ERBB4: variants seen among roughly 807,000 people sequenced by gnomAD.
The protein encoded by ERBB4 is receptor tyrosine-protein kinase erbB-4.
A neutral mutation model predicts 158.0 loss-of-function variants in ERBB4; 42 were observed. The observed-to-expected ratio is 0.27, with a 90% CI of 0.21 to 0.34. ERBB4 has a LOEUF of 0.34. ERBB4 is among the 10% of genes least tolerant of loss of function. The probability of loss-of-function intolerance (pLI) is 1.00; values close to 1 mark genes in which losing one functional copy is unlikely to be tolerated. For synonymous variants in ERBB4, 583 were observed against 558.7 expected (o/e 1.04, Z -0.61); for missense variants, 1,333 against 1,624.1 (o/e 0.82, Z 3.08).
intron 2 of ERBB4, among the ~76,000 whole-genome samples, chr2:212,109,588 AT>A (rs1419960135): frequency 6.6e-6 from 1 of 152,190 alleles, no homozygotes; most frequent in Non-Finnish European, 1.5e-5. Context: ...CAAGGTCTTT[AT>A]CTGAACATCA....
At chr2:212,110,105 G>C (rs1029915596) in intron 2 of ERBB4, among the ~76,000 whole-genome samples, 3 of 152,082 alleles carry the variant, frequency 2.0e-5, no homozygotes, top group Non-Finnish European at 4.4e-5. Flanking sequence ...AAGACCAATT[G>C]TGCATAAATG....
At chr2:212,033,007 T>G (rs1291229284) in intron 2 of ERBB4, among the ~76,000 whole-genome samples, 1 of 151,886 alleles carries the variant, frequency 6.6e-6, no homozygotes, top group East Asian at 1.9e-4. Flanking sequence ...CACTTCTATG[T>G]GAGAGTTGAT....
At chr2:211,671,327 T>G (rs1322211988) in intron 14 of ERBB4, among the ~76,000 whole-genome samples, 1 of 152,138 alleles carries the variant, frequency 6.6e-6, no homozygotes, top group East Asian at 1.9e-4. Flanking sequence ...TCATGAAGCC[T>G]GGCACAAACT....
chr2:212,103,892 T>C (rs1182322735), intron 2 of ERBB4, among the ~76,000 whole-genome samples: 2 of 152,098 alleles, frequency 1.3e-5, no homozygotes, highest in African/African-American at 2.4e-5. Flanking sequence ...TGAAAGAGAA[T>C]AGTACTTAAA....
intron 5 of ERBB4, among the ~76,000 whole-genome samples, chr2:211,727,152 A>G (rs2074294316): frequency 6.6e-6 from 1 of 152,126 alleles, no homozygotes; most frequent in South Asian, 2.1e-4. Flanking sequence ...CTCAAATCCA[A>G]AATATATCCA....
intron 2 of ERBB4, among the ~76,000 whole-genome samples, chr2:212,041,661 T>C (rs1256683599): frequency 1.3e-5 from 2 of 149,692 alleles, no homozygotes; most frequent in Admixed American, 6.7e-5. Context: ...GACTAAAAAA[T>C]AGTAAATTAT....
At chr2:211,472,532 A>T (rs2064852824) in intron 20 of ERBB4, among the ~76,000 whole-genome samples, 1 of 151,680 alleles carries the variant, frequency 6.6e-6, no homozygotes, top group African/African-American at 2.4e-5. Flanking sequence ...CTCCTTCAGA[A>T]AAAAAAACAA....
At chr2:212,516,127 G>GAC (rs1193821126) in intron 1 of ERBB4, among the ~76,000 whole-genome samples, 2 of 151,630 alleles carry the variant, frequency 1.3e-5, no homozygotes, top group Admixed American at 1.3e-4. Context: ...TAGTACTATA[G>GAC]ACACACACAC....
intron 2 of ERBB4, among the ~76,000 whole-genome samples, chr2:211,982,251 G>A (rs1402283021): frequency 6.6e-6 from 1 of 152,032 alleles, no homozygotes; most frequent in Non-Finnish European, 1.5e-5. Context: ...CAGTAATCAA[G>A]CAATTACAAC....
At chr2:211,748,873 A>G (rs959877438) in intron 5 of ERBB4, among the ~76,000 whole-genome samples, 1 of 152,214 alleles carries the variant, frequency 6.6e-6, no homozygotes, top group Admixed American at 6.5e-5. Context: ...ATTTTAGAGA[A>G]CTTGACTTCC....
Position 212,368,355 on chromosome 2 carries a change from G to A in ERBB4, c.82+170094C>T, listed in dbSNP as rs530561942. On this transcript the variant is annotated intron_variant, in intron 1 of 27. Coordinates refer to ENST00000342788, the MANE Select transcript of ERBB4 (RefSeq NM_005235.3). ...AAAATCAAACATTGTATGTTCTCACGGATATGTGGAAGCTAAGCTATGAGG... is the reference window on the plus strand; with the variant it reads ...AAAATCAAACATTGTATGTTCTCACAGATATGTGGAAGCTAAGCTATGAGG... Among the ~76,000 whole-genome samples the A allele has an allele frequency of 3.3e-5, 5 of 152,190 alleles. No homozygotes were observed. In the South Asian group the frequency reaches 6.2e-4, roughly 19 times the overall value.
intron 1 of ERBB4, among the ~76,000 whole-genome samples, chr2:212,252,402 G>A (rs568132332): frequency 3.3e-5 from 5 of 152,138 alleles, no homozygotes; most frequent in East Asian, 3.9e-4. Context: ...GAGAATGACC[G>A]TCTGTGTCAA....
At chr2:212,047,015 T>G (rs1180476036) in intron 2 of ERBB4, among the ~76,000 whole-genome samples, 1 of 152,160 alleles carries the variant, frequency 6.6e-6, no homozygotes, top group East Asian at 1.9e-4. Flanking sequence ...CAAAAATAAT[T>G]CATACAAAGG....
intron 2 of ERBB4, among the ~76,000 whole-genome samples, chr2:211,974,714 A>G (rs1477600627): frequency 6.6e-6 from 1 of 152,166 alleles, no homozygotes; most frequent in African/African-American, 2.4e-5. Flanking sequence ...AAGGTCTAAG[A>G]TTGTTCCACT....
Position 211,781,826 on chromosome 2 carries a change from C to T in ERBB4, c.556+6199G>A, listed in dbSNP as rs549911766. Among the ~76,000 whole-genome samples the T allele has an allele frequency of 3.3e-5, 5 of 152,196 alleles. No individual in the cohort carries two copies. In the East Asian group the frequency reaches 9.7e-4, roughly 30 times the overall value. The stretch of plus-strand genomic sequence containing the variant: ...AAAGAAAAACCTATGTGTAATCTTT[C>T]AGGCAGGAGCACAGACAATTACTTT... On this transcript the variant is annotated intron_variant, in intron 4 of 27. Coordinates refer to ENST00000342788, the MANE Select transcript of ERBB4 (RefSeq NM_005235.3).
At chr2:211,526,174 T>C (rs7609447) in intron 20 of ERBB4, among the ~76,000 whole-genome samples, 19,233 of 152,060 alleles carry the variant, frequency 0.13, 2,171 homozygotes, top group African/African-American at 0.3. Context: ...CAGGTCTGAC[T>C]GAGCAGAGTC....
chr2:212,406,049 C>T (rs951200896), intron 1 of ERBB4, among the ~76,000 whole-genome samples: 3 of 152,054 alleles, frequency 2.0e-5, no homozygotes, highest in Admixed American at 1.3e-4. Flanking sequence ...ACTAATAAAC[C>T]TCCTAAACCT....
At chr2:212,029,494 T>C (rs946558119) in intron 2 of ERBB4, among the ~76,000 whole-genome samples, 3 of 152,142 alleles carry the variant, frequency 2.0e-5, no homozygotes, top group African/African-American at 7.2e-5. Context: ...GGGCTTGATA[T>C]CTGTGTATGT....
chr2:211,402,568 T>G (rs991655191), intron 25 of ERBB4, among the ~76,000 whole-genome samples: 2 of 151,914 alleles, frequency 1.3e-5, no homozygotes, highest in African/African-American at 4.8e-5. Context: ...CCAAGAGAGT[T>G]TGACACAAGC....
Sources: allele counts gnomAD v4.1 joint callset (sites outside exome capture counted in the v4.1 genomes callset), GRCh38; gene constraint gnomAD v4.1.1; transcripts MANE v1.5; gene names NCBI Gene and HGNC (gene_info 2026-07-23, HGNC 2026-07-21).